FOXP2: variants seen among roughly 807,000 people sequenced by gnomAD.
FOXP2 encodes forkhead box P2.
In FOXP2, 12 loss-of-function variants were observed where a neutral mutation model predicts 115.8. That is an observed-to-expected ratio of 0.10 (90% CI 0.07 to 0.17). FOXP2 has a LOEUF of 0.17. Ranked by LOEUF, FOXP2 falls within the 10% of genes least tolerant of loss-of-function variation. FOXP2 has a pLI of 1.00. For synonymous variants in FOXP2, 328 were observed against 297.7 expected (o/e 1.10, Z -1.05); for missense variants, 629 against 843.5 (o/e 0.75, Z 3.15).
intron 1 of FOXP2, among the ~76,000 whole-genome samples, chr7:114,113,176 C>T (rs533117503): frequency 6.6e-6 from 1 of 151,986 alleles, no homozygotes; most frequent in East Asian, 1.9e-4. Context: ...AATTGGTGTT[C>T]ACGAACATGA....
intron 16 of FOXP2, among the ~76,000 whole-genome samples, chr7:114,681,799 A>T (rs1296878526): frequency 6.6e-6 from 1 of 152,190 alleles, no homozygotes; most frequent in African/African-American, 2.4e-5. Context: ...CTAGTCATTA[A>T]TAACTCTAAT....
chr7:114,118,472 T>A (rs1356691539), intron 1 of FOXP2, among the ~76,000 whole-genome samples: 4 of 151,612 alleles, frequency 2.6e-5, no homozygotes, highest in Non-Finnish European at 1.5e-5. Context: ...TTTTTTTTTT[T>A]ACCTAATCAG....
rs145519361 is a variant in FOXP2 at position 114,586,172 on chromosome 7, C to T, written c.259-42368C>T. Among the ~76,000 whole-genome samples the T allele has an allele frequency of 2.9e-3, 437 of 152,182 alleles. 3 individuals are homozygous for T. The highest frequency in any genetic ancestry group is 1.0e-2 in the African/African-American group (414 of 41,538). On this transcript the variant is annotated intron_variant, in intron 3 of 16. Coordinates refer to ENST00000350908, the MANE Select transcript of FOXP2 (RefSeq NM_014491.4). ...ACCAAATTTTTCAGCTGGTTAACTC[C>T]TGAATATCAGATAGACACAATGATT...
chr7:114,114,154 AT>A (rs1791343956), intron 1 of FOXP2, among the ~76,000 whole-genome samples: 1 of 151,856 alleles, frequency 6.6e-6, no homozygotes, highest in East Asian at 1.9e-4. Context: ...AGTGCTCCTA[AT>A]TTGCCTTTGT....
intron 2 of FOXP2, among the ~76,000 whole-genome samples, chr7:114,400,110 G>A (rs1249181255): frequency 6.6e-6 from 1 of 151,934 alleles, no homozygotes; most frequent in African/African-American, 2.4e-5. Context: ...CACCCGCCTT[G>A]GCCTCCCAAA....
rs115610705 is a variant in FOXP2 at position 114,341,545 on chromosome 7, G to A, written c.-11+53436G>A. ...GATTTCCCTAATATGAACATCAAAT[G>A]TGTTTAAAAATAATTCATTATTTAA... On this transcript the variant is annotated intron_variant, in intron 2 of 17. Transcript: ENST00000634411. 9.2e-3 allele frequency among the ~76,000 whole-genome samples: 1,389 copies of A among 151,410 alleles called. 20 individuals are homozygous for A. Among genetic ancestry groups the A allele is most frequent in the African/African-American group, 0.032 (1,321 of 41,450 alleles).
chr7:114,608,087 A>G (rs1041015321), intron 3 of FOXP2, among the ~76,000 whole-genome samples: 1 of 152,246 alleles, frequency 6.6e-6, no homozygotes, highest in Non-Finnish European at 1.5e-5. Flanking sequence ...ACAGTTTTGA[A>G]GGAACAAGTC....
intron 6 of FOXP2, among the ~76,000 whole-genome samples, chr7:114,641,087 C>A (rs910054414): frequency 1.3e-5 from 2 of 152,106 alleles, no homozygotes; most frequent in African/African-American, 4.8e-5. Flanking sequence ...AGCCAGACTG[C>A]CTGGATTTAA....
At chr7:114,543,992 G>A (rs1210242095) in intron 3 of FOXP2, among the ~76,000 whole-genome samples, 2 of 152,012 alleles carry the variant, frequency 1.3e-5, no homozygotes, top group Non-Finnish European at 2.9e-5. Context: ...AGTAAAAGTT[G>A]CCTAGCATGT....
chr7:114,391,475 GT>G (rs1792600110), intron 2 of FOXP2, among the ~76,000 whole-genome samples: 1 of 152,144 alleles, frequency 6.6e-6, no homozygotes, highest in Non-Finnish European at 1.5e-5. Flanking sequence ...GTTTTTTGGT[GT>G]GGTACTTTTA....
chr7:114,222,627 AG>A (rs1385426948), intron 1 of FOXP2, among the ~76,000 whole-genome samples: 3 of 152,198 alleles, frequency 2.0e-5, no homozygotes, highest in African/African-American at 7.2e-5. Context: ...ATAAGGTTGT[AG>A]TAGAAGAAAT....
rs190599917 is a variant in FOXP2 at position 114,693,383 on chromosome 7, G to A, written c.*3457G>A. 6.5e-4 allele frequency: 293 copies of A among 453,804 alleles called. 3 individuals are homozygous for A. In the East Asian group the frequency reaches 0.018, roughly 29 times the overall value. 28.1% of individuals were successfully genotyped at this position (453,804 alleles called of 1,614,324 possible). Reference sequence around the variant, plus strand: ...TCCTGGACTTTAATGTCCCTGGGCAGATTCAGTCGCAAAATCCAATATGAT... The same window carrying A: ...TCCTGGACTTTAATGTCCCTGGGCAAATTCAGTCGCAAAATCCAATATGAT... On this transcript the variant is annotated 3_prime_UTR_variant, in exon 17 of 17. Transcript: ENST00000350908.
chr7:114,642,333 T>G (rs540909109), intron 6 of FOXP2, 77 bp from the exon 7 acceptor site: 1 of 1,106,420 alleles, frequency 9.0e-7, no homozygotes, highest in Non-Finnish European at 1.3e-6. Flanking sequence ...GGTATTAATC[T>G]ATTAATAACA....
At chr7:114,172,247 C>T (rs956681369) in intron 1 of FOXP2, among the ~76,000 whole-genome samples, 3 of 152,082 alleles carry the variant, frequency 2.0e-5, no homozygotes, top group African/African-American at 7.2e-5. Flanking sequence ...TACTTTATTA[C>T]GGTAGTCTGA....
intron 2 of FOXP2, among the ~76,000 whole-genome samples, chr7:114,438,253 T>A (rs1385236487): frequency 1.3e-5 from 2 of 152,148 alleles, no homozygotes; most frequent in Admixed American, 1.3e-4. Context: ...GGTTCTGCCT[T>A]AAATTTTATA....
intron 1 of FOXP2, among the ~76,000 whole-genome samples, chr7:114,203,508 T>C (rs1794125355): frequency 6.6e-6 from 1 of 152,022 alleles, no homozygotes; most frequent in Non-Finnish European, 1.5e-5. Flanking sequence ...AATTTTTTTT[T>C]CTTTTTTTCT....
intron 1 of FOXP2, among the ~76,000 whole-genome samples, chr7:114,252,606 T>G (rs202055431): frequency 3.3e-5 from 5 of 152,104 alleles, no homozygotes; most frequent in African/African-American, 1.2e-4. Context: ...TTCTCTGATG[T>G]TAGTTTGTAT....
intron 1 of FOXP2, among the ~76,000 whole-genome samples, chr7:114,247,011 G>T (rs1251924302): frequency 2.6e-5 from 4 of 152,190 alleles, no homozygotes; most frequent in Middle Eastern, 6.8e-3. Flanking sequence ...CCTTTATGTT[G>T]AAAAGGAAAG....
intron 1 of FOXP2, among the ~76,000 whole-genome samples, chr7:114,281,117 T>TC (rs1190062400): frequency 1.4e-5 from 2 of 146,798 alleles, no homozygotes; most frequent in Non-Finnish European, 1.5e-5. Context: ...TTTTTTTTTT[T>TC]TTGAGACAGA....
Sources: allele counts gnomAD v4.1 joint callset (sites outside exome capture counted in the v4.1 genomes callset), GRCh38; gene constraint gnomAD v4.1.1; transcripts MANE v1.5; gene names NCBI Gene and HGNC (gene_info 2026-07-23, HGNC 2026-07-21).